The following GPC5 variants were observed in gnomAD, a reference collection of about 807,000 sequenced individuals.
GPC5 encodes the protein glypican-5.
A neutral mutation model predicts 53.9 loss-of-function variants in GPC5; 47 were observed. The observed-to-expected ratio is 0.87, with a 90% CI of 0.69 to 1.11. GPC5 has a LOEUF of 1.11. Among genes scored for constraint, GPC5 ranks in the 50% most tolerant of loss-of-function variants. The pLI is 0.00. For missense variants in GPC5, 748 were observed against 713.1 expected (o/e 1.05, Z -0.56); for synonymous variants, 286 against 263.3 (o/e 1.09, Z -0.84).
chr13:92,629,748 A>C (rs1353600113), intron 7 of GPC5, among the ~76,000 whole-genome samples: 1 of 152,208 alleles, frequency 6.6e-6, no homozygotes, highest in East Asian at 1.9e-4. Flanking sequence ...CTCCTGTGAC[A>C]GATGTTTGGG....
At chr13:92,493,724 T>G (rs1879853456) in intron 7 of GPC5, among the ~76,000 whole-genome samples, 1 of 152,178 alleles carries the variant, frequency 6.6e-6, no homozygotes, top group Non-Finnish European at 1.5e-5. Context: ...GCATTGTAAT[T>G]GAGACTTCAC....
At chr13:92,750,225 A>AACT (rs1328479596) in intron 7 of GPC5, among the ~76,000 whole-genome samples, 2 of 152,192 alleles carry the variant, frequency 1.3e-5, no homozygotes, top group Admixed American at 1.3e-4. Context: ...CTCTAGAAAA[A>AACT]AAAGTTTTCT....
chr13:92,621,692 C>A (rs185801878), intron 7 of GPC5, among the ~76,000 whole-genome samples: 2 of 151,832 alleles, frequency 1.3e-5, no homozygotes, highest in Non-Finnish European at 2.9e-5. Context: ...TGGTGGCGGG[C>A]GCTTGTAATC....
intron 6 of GPC5, among the ~76,000 whole-genome samples, chr13:92,000,799 C>T (rs1006878847): frequency 5.3e-5 from 8 of 152,092 alleles, no homozygotes; most frequent in Non-Finnish European, 7.4e-5. Context: ...AGGAACCATA[C>T]CTTTTATAAT....
chr13:91,861,071 C>A (rs1161716405), intron 5 of GPC5, among the ~76,000 whole-genome samples: 4 of 152,090 alleles, frequency 2.6e-5, no homozygotes, highest in African/African-American at 9.7e-5. Flanking sequence ...TTATTGTGAT[C>A]AGAGGATATA....
intron 5 of GPC5, among the ~76,000 whole-genome samples, chr13:91,878,904 T>C (rs1473379277): frequency 6.6e-6 from 1 of 152,094 alleles, no homozygotes; most frequent in East Asian, 1.9e-4. Flanking sequence ...CAAATCTACA[T>C]TGTAATTTAG....
In GPC5 at chr13:92,218,230, C is replaced by A. The variant is rs181457324; in HGVS notation, c.1561+73241C>A. ...GTTGCTCACTTTACCCTAATTTATA[C>A]CAAACAGAAATTGACATGTCTGGAG... is the stretch of plus-strand genomic sequence containing the variant. On this transcript the variant is annotated intron_variant, in intron 7 of 7. Transcript: ENST00000377067. Among the ~76,000 whole-genome samples, 192 of 152,080 alleles carry A rather than the reference C, an allele frequency of 1.3e-3. 1 individual carries two copies. The highest frequency in any genetic ancestry group is 2.1e-3 in the Non-Finnish European group (146 of 67,988).
At chr13:92,155,870 T>C (rs2041941390) in intron 7 of GPC5, among the ~76,000 whole-genome samples, 1 of 152,176 alleles carries the variant, frequency 6.6e-6, no homozygotes, top group Non-Finnish European at 1.5e-5. Flanking sequence ...CTATATCTCA[T>C]TTTAGTCTGT....
chr13:91,935,124 T>G (rs980392636), intron 6 of GPC5, among the ~76,000 whole-genome samples: 1 of 151,910 alleles, frequency 6.6e-6, no homozygotes, highest in Non-Finnish European at 1.5e-5. Context: ...GTAACAGTAC[T>G]GTGGATTAGG....
At chr13:92,374,410 A>G (rs1353497900) in intron 7 of GPC5, among the ~76,000 whole-genome samples, 1 of 152,128 alleles carries the variant, frequency 6.6e-6, no homozygotes, top group African/African-American at 2.4e-5. Context: ...CAGACTATCA[A>G]CATGATGTCA....
intron 7 of GPC5, among the ~76,000 whole-genome samples, chr13:92,429,946 T>C (rs1451880356): frequency 2.0e-5 from 3 of 152,034 alleles, no homozygotes; most frequent in Non-Finnish European, 2.9e-5. Flanking sequence ...TATTATGTAC[T>C]TGAAAATTGT....
At chr13:91,816,944 A>G (rs1364568703) in intron 5 of GPC5, among the ~76,000 whole-genome samples, 1 of 152,202 alleles carries the variant, frequency 6.6e-6, no homozygotes, top group Non-Finnish European at 1.5e-5. Flanking sequence ...GTTAAAGGGA[A>G]AAAAGATGTC....
At chr13:91,413,653 A>G (rs1594054845) in intron 1 of GPC5, among the ~76,000 whole-genome samples, 1 of 152,228 alleles carries the variant, frequency 6.6e-6, no homozygotes, top group Admixed American at 6.5e-5. Context: ...CTGTGTGATA[A>G]CACTTTCCAG....
At chr13:92,427,854 A>C (rs185648628) in intron 7 of GPC5, among the ~76,000 whole-genome samples, 159 of 152,290 alleles carry the variant, frequency 1.0e-3, no homozygotes, top group African/African-American at 3.8e-3. Context: ...TTCTTATGGC[A>C]AATTAAGTAA....
chr13:92,691,924 A>G (rs952202439), intron 7 of GPC5, among the ~76,000 whole-genome samples: 1 of 152,158 alleles, frequency 6.6e-6, no homozygotes, highest in East Asian at 1.9e-4. Flanking sequence ...GGTTTTTTAC[A>G]TGGGATACTG....
At chr13:91,609,660 C>T (rs548087049) in intron 2 of GPC5, among the ~76,000 whole-genome samples, 8 of 152,298 alleles carry the variant, frequency 5.3e-5, no homozygotes, top group African/African-American at 1.4e-4. Context: ...GCAAGGCCAT[C>T]CCCCAAGGCT....
intron 2 of GPC5, among the ~76,000 whole-genome samples, chr13:91,449,694 C>G (rs1215649531): frequency 6.6e-6 from 1 of 152,082 alleles, no homozygotes; most frequent in Non-Finnish European, 1.5e-5. Context: ...AAGACCAGAA[C>G]TCAACCTTAA....
chr13:92,840,116 T>TAC (rs1878385749), intron 7 of GPC5, among the ~76,000 whole-genome samples: 1 of 130,456 alleles, frequency 7.7e-6, no homozygotes, highest in Non-Finnish European at 1.6e-5. Flanking sequence ...TATATATATA[T>TAC]ATATATATGA....
intron 2 of GPC5, among the ~76,000 whole-genome samples, chr13:91,575,601 G>C (rs549596864): frequency 6.6e-6 from 1 of 152,084 alleles, no homozygotes; most frequent in Non-Finnish European, 1.5e-5. Flanking sequence ...TGGCAGAAAA[G>C]TTTTACTGAT....
Sources: allele counts gnomAD v4.1 joint callset (sites outside exome capture counted in the v4.1 genomes callset), GRCh38; gene constraint gnomAD v4.1.1; transcripts MANE v1.5; gene names NCBI Gene and HGNC (gene_info 2026-07-23, HGNC 2026-07-21).